MYO1H: variants seen among roughly 807,000 people sequenced by gnomAD.
MYO1H encodes the protein unconventional myosin-Ih.
A neutral mutation model predicts 149.3 loss-of-function variants in MYO1H; 118 were observed. That is an observed-to-expected ratio of 0.79 (90% CI 0.68 to 0.92). MYO1H has a LOEUF of 0.92. Ranked by LOEUF, MYO1H falls within the 40% of genes least tolerant of loss-of-function variation. The pLI, the probability that MYO1H is intolerant of heterozygous loss-of-function variation, is 0.00. For synonymous variants in MYO1H, 447 were observed against 465.2 expected, an observed-to-expected ratio of 0.96 and a Z score of 0.50; for missense variants, 1,212 against 1,280.7, an observed-to-expected ratio of 0.95 and a Z score of 0.82.
exon 7 of MYO1H, chr12:109,404,043 C>G: frequency 6.2e-7 from 1 of 1,613,672 alleles, no homozygotes; most frequent in Non-Finnish European, 8.5e-7. Context: ...GTTTCCAACG[C>G]CTTTTCTGTC....
chr12:109,372,713 C>A (rs186494514), intron 1 of MYO1H, among the ~76,000 whole-genome samples: 59 of 152,022 alleles, frequency 3.9e-4, no homozygotes, highest in Admixed American at 7.9e-4. Flanking sequence ...TCTCATTAAT[C>A]TTTTTGTTTC....
chr12:109,389,351 C>A (rs1004735654), intron 2 of MYO1H, among the ~76,000 whole-genome samples: 1 of 152,104 alleles, frequency 6.6e-6, no homozygotes, highest in Non-Finnish European at 1.5e-5. Context: ...TGAACCAATC[C>A]CATGGCTAGA....
intron 2 of MYO1H, among the ~76,000 whole-genome samples, chr12:109,389,266 G>GAT (rs1566023802): frequency 6.6e-6 from 1 of 152,174 alleles, no homozygotes; most frequent in East Asian, 1.9e-4. Flanking sequence ...ATACTCTGGG[G>GAT]ATAAGCTCTA....
chr12:109,407,902 T>G (rs1210976779), exon 10 of MYO1H: 1 of 1,613,996 alleles, frequency 6.2e-7, no homozygotes, highest in Admixed American at 1.7e-5. Flanking sequence ...CAATTCCTCC[T>G]TAGTTAACAA....
chr12:109,313,113 T>C, the MYO1H span, among the ~76,000 whole-genome samples: 1 of 152,040 alleles, frequency 6.6e-6, no homozygotes, highest in African/African-American at 2.4e-5. Flanking sequence ...GGCATGGTGG[T>C]GCATGCTTGT....
chr12:109,311,389 T>C, the MYO1H span, among the ~76,000 whole-genome samples: 5,837 of 152,274 alleles, frequency 0.038, 309 homozygotes, highest in East Asian at 0.15. Flanking sequence ...ATATTGCCAC[T>C]AAAACACCTA....
chr12:109,442,372 GGTGCAGCT>G, intron 27 of MYO1H, 100 bp downstream of exon 27: 2 of 965,778 alleles, frequency 2.1e-6, no homozygotes, highest in Non-Finnish European at 3.3e-6. Context: ...TAAATGCAGG[GGTGCAGCT>G]GGGCAGCTGG....
chr12:109,404,886 T>C (rs1404593776), intron 7 of MYO1H, among the ~76,000 whole-genome samples: 9 of 151,644 alleles, frequency 5.9e-5, no homozygotes, highest in Admixed American at 5.9e-4. Context: ...AAACTATCAG[T>C]CTTTCAAGGG....
At chr12:109,352,549 A>G (rs571347436) in intron 1 of MYO1H, among the ~76,000 whole-genome samples, 1 of 152,372 alleles carries the variant, frequency 6.6e-6, no homozygotes, top group East Asian at 1.9e-4. Context: ...GTCTCGTTAT[A>G]GACATCTCTT....
intron 1 of MYO1H, among the ~76,000 whole-genome samples, chr12:109,349,979 ATAT>A (rs1224780125): frequency 1.4e-5 from 2 of 144,788 alleles, no homozygotes; most frequent in African/African-American, 2.6e-5. Context: ...AAAAAAGTTA[ATAT>A]TATTATTATA....
chr12:109,337,699 C>T, the MYO1H span, among the ~76,000 whole-genome samples: 1 of 152,084 alleles, frequency 6.6e-6, no homozygotes, highest in African/African-American at 2.4e-5. Context: ...ATGGGAGCTA[C>T]AATTCAAGAT....
intron 10 of MYO1H, among the ~76,000 whole-genome samples, chr12:109,408,351 A>T (rs1013190966): frequency 3.3e-5 from 5 of 151,486 alleles, no homozygotes; most frequent in Non-Finnish European, 5.9e-5. Context: ...TTAAAAAAAA[A>T]TTTTGTAGAG....
the MYO1H span, among the ~76,000 whole-genome samples, chr12:109,311,282 A>G: frequency 6.6e-6 from 1 of 152,158 alleles, no homozygotes; most frequent in Non-Finnish European, 1.5e-5. Flanking sequence ...CCCTCCCACT[A>G]AAAAGGAGTG....
At chr12:109,405,823 C>A in intron 7 of MYO1H, 99 bp from the exon 8 acceptor site, 1 of 813,326 alleles carries the variant, frequency 1.2e-6, no homozygotes, top group East Asian at 2.7e-5. Flanking sequence ...GGGCATTTTT[C>A]CTTCAGGTGT....
At chr12:109,346,217 C>T (rs7306883), upstream of MYO1H, among the ~76,000 whole-genome samples, 81,322 of 151,844 alleles carry the variant, frequency 0.54, 22,640 homozygotes, top group African/African-American at 0.67. Flanking sequence ...TTACATTCTA[C>T]TAGGTATTAT....
At chr12:109,442,038 C>T (rs1872158158) in intron 26 of MYO1H, among the ~76,000 whole-genome samples, 179 bp from the exon 27 acceptor site, 2 of 152,122 alleles carry the variant, frequency 1.3e-5, no homozygotes, top group African/African-American at 4.8e-5. Flanking sequence ...CAGAGCGAGA[C>T]TCTGTCTCCA....
chr12:109,431,861 C>T (rs1484663637), intron 19 of MYO1H, among the ~76,000 whole-genome samples: 1 of 152,026 alleles, frequency 6.6e-6, no homozygotes, highest in Non-Finnish European at 1.5e-5. Context: ...TTTCTTGAGA[C>T]AGGATCTCTG....
chr12:109,402,630 A>C (rs1870214716), intron 6 of MYO1H, among the ~76,000 whole-genome samples: 1 of 152,232 alleles, frequency 6.6e-6, no homozygotes, highest in Non-Finnish European at 1.5e-5. Flanking sequence ...AGAAATAAGA[A>C]AAATGAAGGT....
At chr12:109,363,429 G>A (rs1040616921) in intron 1 of MYO1H, among the ~76,000 whole-genome samples, 3 of 152,168 alleles carry the variant, frequency 2.0e-5, no homozygotes, top group Non-Finnish European at 4.4e-5. Flanking sequence ...AAGAGGGAGC[G>A]TCGGCCGGGC....
Sources: gnomAD v4.1 joint callset for allele counts (sites outside exome capture counted in the v4.1 genomes callset) on GRCh38, gnomAD v4.1.1 for gene constraint, MANE v1.5 for transcripts, NCBI Gene and HGNC (gene_info 2026-07-23, HGNC 2026-07-21) for gene names.